ANKRD30B: variants seen among roughly 807,000 people sequenced by gnomAD.
The protein encoded by ANKRD30B is ankyrin repeat domain 30B.
Under a neutral mutation model 202.2 loss-of-function variants are expected in ANKRD30B, and 144 were observed. That is an observed-to-expected ratio of 0.71 (90% CI 0.62 to 0.82). The LOEUF is 0.82. Ranked by LOEUF, ANKRD30B falls within the 40% of genes least tolerant of loss-of-function variation. The pLI, the probability that ANKRD30B is intolerant of heterozygous loss-of-function variation, is 0.00. For synonymous variants in ANKRD30B, 508 were observed against 561.3 expected (o/e 0.91, Z 1.34); for missense variants, 1,487 against 1,669.1 (o/e 0.89, Z 1.90).
chr18:14,891,019 A>G, the ANKRD30B span, among the ~76,000 whole-genome samples: 1 of 152,236 alleles, frequency 6.6e-6, no homozygotes, highest in East Asian at 1.9e-4. Flanking sequence ...GAAATTTATT[A>G]AAATGATGTA....
In ANKRD30B at chr18:14,851,563, A is replaced by C. The variant is rs1363297829; in HGVS notation, c.3619A>C (p.Lys1207Gln). The C allele has an allele frequency of 2.5e-6, 4 of 1,583,170 alleles. No individual in the cohort carries two copies. Among genetic ancestry groups the C allele is most frequent in the South Asian group, 2.3e-5 (2 of 86,154 alleles). ...TCTCTTTCATGAAAATTGCATGTTG[A>C]AAAAGGAAATTGCCATGCTAAAACT... Reference protein sequence around the residue: ...NDLFHENCMLKKEIAMLKLEV... With the variant: ...NDLFHENCMLQKEIAMLKLEV... The change falls in exon 42 of 44, where the codon AAA becomes CAA. Residue 1207 changes from lysine to glutamine, a missense_variant. This residue lies in a region of ANKRD30B where 177 missense variants were observed against 216.4 expected (regional missense o/e 0.82). Coordinates refer to ENST00000690538, the MANE Select transcript of ANKRD30B (RefSeq NM_001367607.2).
chr18:14,844,004 AT>A lies in ANKRD30B; in HGVS notation c.3181+909del, dbSNP rs541473690. On this transcript the variant is annotated intron_variant, in intron 39 of 43. Transcript: ENST00000690538. ...ACATATGTGCACGGTCATAGATAAT[AT>A]GTAGAATTTGTTTTCAACTGCTAAT... Among the ~76,000 whole-genome samples the A allele has an allele frequency of 6.0e-4, 91 of 152,296 alleles. 4 individuals are homozygous for A. The South Asian group carries it at 0.018, about 31-fold the overall frequency.
At chr18:14,821,955 T>C (rs900264871) in intron 30 of ANKRD30B, among the ~76,000 whole-genome samples, 29 of 152,204 alleles carry the variant, frequency 1.9e-4, no homozygotes, top group Non-Finnish European at 7.4e-5. Flanking sequence ...TCTGCAATGA[T>C]AAGTAAATTG....
the ANKRD30B span, among the ~76,000 whole-genome samples, chr18:14,865,348 T>A: frequency 6.7e-6 from 1 of 148,790 alleles, no homozygotes; most frequent in Non-Finnish European, 1.5e-5. Context: ...TCCCCCTCCC[T>A]CTCTGCACCC....
the ANKRD30B span, among the ~76,000 whole-genome samples, chr18:14,907,174 C>G: frequency 6.6e-6 from 1 of 151,906 alleles, no homozygotes; most frequent in African/African-American, 2.4e-5. Context: ...GAGGCAGGTC[C>G]GACCCCCACT....
the ANKRD30B span, among the ~76,000 whole-genome samples, chr18:14,911,978 G>A: frequency 2.0e-5 from 3 of 152,144 alleles, no homozygotes; most frequent in Non-Finnish European, 4.4e-5. Context: ...TTTGTATTAT[G>A]AAATGTTACA....
intron 30 of ANKRD30B, chr18:14,816,250 C>T (rs542060938): frequency 6.6e-6 from 1 of 152,176 alleles, no homozygotes; most frequent in Non-Finnish European, 1.5e-5. Context: ...TTGGCATTAA[C>T]ACTTTTTGCA....
At chr18:14,856,392 G>A (rs1972108338), downstream of ANKRD30B, among the ~76,000 whole-genome samples, 2 of 140,682 alleles carry the variant, frequency 1.4e-5, 1 homozygote, top group Non-Finnish European at 3.2e-5. Context: ...GGGGAGGCTG[G>A]GCAGAGGCGC....
At chr18:14,766,494 A>G (rs1268358306) in intron 7 of ANKRD30B, among the ~76,000 whole-genome samples, 15 of 81,856 alleles carry the variant, frequency 1.8e-4, no homozygotes, top group African/African-American at 5.9e-4. Flanking sequence ...AAAAAAAAAA[A>G]AAAGAAAAGA....
At chr18:14,783,294 G>A (rs937932419) in intron 12 of ANKRD30B, among the ~76,000 whole-genome samples, 1 of 152,128 alleles carries the variant, frequency 6.6e-6, no homozygotes, top group Non-Finnish European at 1.5e-5. Context: ...GCACAATTGA[G>A]TTTCTAAATT....
downstream of ANKRD30B, among the ~76,000 whole-genome samples, chr18:14,856,191 G>A: frequency 6.9e-6 from 1 of 144,834 alleles, no homozygotes; most frequent in Admixed American, 6.8e-5. Context: ...TTCCCAGATG[G>A]TGTGTCATCC....
In ANKRD30B at chr18:14,784,342, C is replaced by T. The variant is rs574891466; in HGVS notation, c.1577C>T (p.Pro526Leu). The T allele has an allele frequency of 1.9e-6, 3 of 1,612,508 alleles. No homozygotes were observed. The Admixed American group carries it at 5.0e-5, about 27-fold the overall frequency. Residue 526 changes from proline to leucine, a missense_variant, in exon 13 of 44, where the codon CCT (proline) becomes CTT (leucine). Physicochemically the swap from Pro to Leu is moderately conservative, Grantham distance 98. Transcript: ENST00000690538. Reference protein sequence around the residue: ...MEINREVEELPEKPSAFKPAV... With the variant: ...MEINREVEELLEKPSAFKPAV... ...AATCTCTTTTGCATTTTAGAGCTTC[C>T]TGAGAAGCCATCTGCCTTCAAGGTA...
At chr18:14,903,301 G>A in the ANKRD30B span, among the ~76,000 whole-genome samples, 1 of 152,338 alleles carries the variant, frequency 6.6e-6, no homozygotes, top group African/African-American at 2.4e-5. Flanking sequence ...GAGAGCCACA[G>A]AGTGATTGTC....
At chr18:14,806,951 A>T (rs868757960) in intron 24 of ANKRD30B, among the ~76,000 whole-genome samples, 7 of 150,738 alleles carry the variant, frequency 4.6e-5, no homozygotes, top group African/African-American at 1.7e-4. Context: ...ATGAATCGAG[A>T]ACGACCTTCT....
chr18:14,856,129 A>T (rs1972101303), downstream of ANKRD30B, among the ~76,000 whole-genome samples: 1 of 144,856 alleles, frequency 6.9e-6, no homozygotes, highest in Non-Finnish European at 1.5e-5. Flanking sequence ...GAGACCAGGA[A>T]GAGGTGCTCC....
rs774508758 is a variant in ANKRD30B, at chr18:14,748,673, A to T, written c.221+33A>T. ...GCCCTGCCTGAGCCGGGGCTGCAGG[A>T]GGAGGAGGCGGCTGTGGGAGGATCG... is the stretch of plus-strand genomic sequence containing the variant. On this transcript the variant is annotated intron_variant, in intron 1 of 43. Transcript: ENST00000690538. 14 of 1,502,328 alleles carry T rather than the reference A, an allele frequency of 9.3e-6. No homozygotes were observed. The East Asian group carries it at 3.2e-4, about 34-fold the overall frequency. The allele number at this position is 1,502,328 out of a possible 1,614,324, so 93.1% of individuals were successfully genotyped here. A position where few individuals can be genotyped will look rare whatever the true frequency, so the allele number is the denominator to read the frequency against.
At chr18:14,751,330 A>G (rs1234333403) in intron 1 of ANKRD30B, among the ~76,000 whole-genome samples, 1 of 152,050 alleles carries the variant, frequency 6.6e-6, no homozygotes, top group Non-Finnish European at 1.5e-5. Flanking sequence ...TCCATTTATC[A>G]CATGTAAGCT....
intron 32 of ANKRD30B, among the ~76,000 whole-genome samples, chr18:14,826,625 G>T (rs1333575063): frequency 6.7e-6 from 1 of 150,164 alleles, no homozygotes; most frequent in Non-Finnish European, 1.5e-5. Context: ...TTTTTTATCT[G>T]CTTCTTGTGG....
At chr18:14,796,858 G>C (rs146992484) in intron 18 of ANKRD30B, among the ~76,000 whole-genome samples, 2 of 152,204 alleles carry the variant, frequency 1.3e-5, no homozygotes, top group African/African-American at 2.4e-5. Flanking sequence ...TTGATTATGA[G>C]GTGAGATGGT....
Sources: gnomAD v4.1 joint callset for allele counts (sites outside exome capture counted in the v4.1 genomes callset) on GRCh38, gnomAD v4.1.1 for gene constraint, gnomAD v4.1.1 regional missense constraint, MANE v1.5 for transcripts, NCBI Gene and HGNC (gene_info 2026-07-23, HGNC 2026-07-21) for gene names.